The following DLGAP2 variants were observed in gnomAD, a reference collection of about 807,000 sequenced individuals.
DLGAP2 encodes the protein DLG associated protein 2, also known as disks large-associated protein 2.
DLGAP2 carries 26 observed loss-of-function variants against 100.3 expected under a neutral mutation model. That is an observed-to-expected ratio of 0.26 (90% CI 0.19 to 0.36). DLGAP2 has a LOEUF of 0.36. DLGAP2 is among the 10% of genes least tolerant of loss of function. The pLI is 1.00. For missense variants in DLGAP2, 1,858 were observed against 1,453.2 expected (o/e 1.28, Z -4.53); for synonymous variants, 886 against 630.1 (o/e 1.41, Z -6.08).
At chr8:820,764 A>G (rs1421424053) in intron 1 of DLGAP2, among the ~76,000 whole-genome samples, 6 of 152,236 alleles carry the variant, frequency 3.9e-5, no homozygotes, top group Non-Finnish European at 8.8e-5. Context: ...GCATTAAAAA[A>G]TGTATGCAGA....
At chr8:1,424,586 G>T (rs187229105) in intron 3 of DLGAP2, among the ~76,000 whole-genome samples, 2 of 152,222 alleles carry the variant, frequency 1.3e-5, no homozygotes, top group African/African-American at 2.4e-5. Context: ...CAAGGACGGT[G>T]TGATTACCCT....
chr8:1,494,840 C>T (rs1202895514), intron 3 of DLGAP2, among the ~76,000 whole-genome samples: 1 of 152,186 alleles, frequency 6.6e-6, no homozygotes, highest in African/African-American at 2.4e-5. Flanking sequence ...GGTTGAGGCT[C>T]AGCTTCACGG....
At chr8:1,221,022 A>T (rs1194275979) in intron 2 of DLGAP2, among the ~76,000 whole-genome samples, 2 of 152,232 alleles carry the variant, frequency 1.3e-5, no homozygotes, top group Non-Finnish European at 2.9e-5. Flanking sequence ...TCTTGAAGAC[A>T]GCGTACAGTT....
At chr8:1,484,407 C>G (rs1275156987) in intron 3 of DLGAP2, among the ~76,000 whole-genome samples, 2 of 152,252 alleles carry the variant, frequency 1.3e-5, no homozygotes, top group African/African-American at 4.8e-5. Context: ...CGCAGGGACA[C>G]TTCAAAAGAA....
intron 3 of DLGAP2, among the ~76,000 whole-genome samples, chr8:1,310,784 A>C (rs954610698): frequency 6.6e-6 from 1 of 152,044 alleles, no homozygotes; most frequent in Admixed American, 6.6e-5. Context: ...CAGCCTCCTG[A>C]GTAGCTGGGA....
chr8:1,137,035 C>T (rs1484416667), intron 2 of DLGAP2, among the ~76,000 whole-genome samples: 2 of 152,214 alleles, frequency 1.3e-5, no homozygotes, highest in Non-Finnish European at 2.9e-5. Flanking sequence ...ATGGCTCAAA[C>T]AACAGGAACT....
At chr8:1,224,290 A>C (rs1798372383) in intron 2 of DLGAP2, among the ~76,000 whole-genome samples, 1 of 152,238 alleles carries the variant, frequency 6.6e-6, no homozygotes, top group Non-Finnish European at 1.5e-5. Flanking sequence ...TCTCTCATAT[A>C]AGAGACATAA....
intron 3 of DLGAP2, among the ~76,000 whole-genome samples, chr8:1,263,485 C>T (rs923898222): frequency 3.3e-5 from 5 of 152,158 alleles, no homozygotes; most frequent in Non-Finnish European, 5.9e-5. Flanking sequence ...CCCAGGCCAC[C>T]TCTTCTCCCT....
chr8:1,281,163 G>A (rs932158366), intron 3 of DLGAP2, among the ~76,000 whole-genome samples: 39 of 152,304 alleles, frequency 2.6e-4, no homozygotes, highest in African/African-American at 8.4e-4. Flanking sequence ...ATGTGTGTGC[G>A]TGATATTACG....
At chr8:1,343,953 A>G (rs1201589361) in intron 3 of DLGAP2, among the ~76,000 whole-genome samples, 2 of 152,226 alleles carry the variant, frequency 1.3e-5, no homozygotes, top group Admixed American at 6.5e-5. Flanking sequence ...GGCCGAGGGC[A>G]GGTGTACAGA....
At chr8:1,189,926 G>T (rs1438195802) in intron 2 of DLGAP2, among the ~76,000 whole-genome samples, 2 of 152,174 alleles carry the variant, frequency 1.3e-5, no homozygotes, top group African/African-American at 4.8e-5. Flanking sequence ...AGGAAAGGAG[G>T]TGAAAATCCT....
chr8:1,229,555 G>A (rs1195324148), intron 2 of DLGAP2, among the ~76,000 whole-genome samples: 3 of 152,048 alleles, frequency 2.0e-5, no homozygotes, highest in African/African-American at 4.8e-5. Context: ...TTTTCTGTGG[G>A]ATTAGGTGTA....
chr8:1,524,726 G>A (rs1242793375), intron 4 of DLGAP2, among the ~76,000 whole-genome samples: 2 of 152,124 alleles, frequency 1.3e-5, no homozygotes, highest in African/African-American at 4.8e-5. Context: ...ACGTCACACA[G>A]TGAGAGGGAC....
intron 4 of DLGAP2, among the ~76,000 whole-genome samples, chr8:1,512,421 GC>G (rs1800197899): frequency 6.6e-6 from 1 of 152,162 alleles, no homozygotes; most frequent in Non-Finnish European, 1.5e-5. Context: ...TAGGGACGGG[GC>G]CAGCGTGGGT....
chr8:1,104,068 A>C (rs576279868), intron 2 of DLGAP2, among the ~76,000 whole-genome samples: 269 of 152,324 alleles, frequency 1.8e-3, no homozygotes, highest in African/African-American at 6.2e-3. Flanking sequence ...GTCTTCACGC[A>C]TGAATCACCA....
At chr8:1,648,249 C>G (rs1199241979) in intron 8 of DLGAP2, among the ~76,000 whole-genome samples, 1 of 152,190 alleles carries the variant, frequency 6.6e-6, no homozygotes, top group Non-Finnish European at 1.5e-5. Context: ...CGGCTGTTAG[C>G]CTTGGCATCG....
At position 1,527,792 on chromosome 8, in the gene DLGAP2, G is replaced by A. The variant is rs751650363; in HGVS notation, c.173-20834G>A. Among the ~76,000 whole-genome samples, 13 of 152,158 alleles carry A rather than the reference G, an allele frequency of 8.5e-5. 1 individual carries two copies. The highest frequency in any genetic ancestry group is 5.9e-5 in the Non-Finnish European group (4 of 68,018). The stretch of plus-strand genomic sequence containing the variant: ...CCCCCCTCAGGGGGACACAGTGCAC[G>A]CGTTTAGCATCTCCCAGGACATGTG... On this transcript the variant is annotated intron_variant, in intron 4 of 14. Transcript: ENST00000637795.
chr8:1,622,950 G>A (rs1481570341), intron 6 of DLGAP2, among the ~76,000 whole-genome samples: 3 of 152,180 alleles, frequency 2.0e-5, no homozygotes, highest in Non-Finnish European at 2.9e-5. Context: ...GGGGCCACCG[G>A]AGGGTGCATC....
At chr8:1,355,555 G>C (rs1801829063) in intron 3 of DLGAP2, among the ~76,000 whole-genome samples, 1 of 152,078 alleles carries the variant, frequency 6.6e-6, no homozygotes, top group South Asian at 2.1e-4. Context: ...AGTAGAGGCG[G>C]GGTTTCTCCA....
Sources: allele counts gnomAD v4.1 joint callset (sites outside exome capture counted in the v4.1 genomes callset), GRCh38; gene constraint gnomAD v4.1.1; transcripts MANE v1.5; gene names NCBI Gene and HGNC (gene_info 2026-07-23, HGNC 2026-07-21).